Variants in TTLL6 observed in about 807,000 individuals in gnomAD.
The protein encoded by TTLL6 is tubulin tyrosine ligase like 6.
TTLL6 carries 75 observed loss-of-function variants against 96.4 expected under a neutral mutation model. The observed-to-expected ratio is 0.78, with a 90% CI of 0.65 to 0.94. TTLL6 has a LOEUF of 0.94. Among genes scored for constraint, TTLL6 ranks in the 40% least tolerant of loss-of-function variants. The pLI, the probability that TTLL6 is intolerant of heterozygous loss-of-function variation, is 0.00. For missense variants in TTLL6, 1,030 were observed against 1,093.0 expected (o/e 0.94, Z 0.81); for synonymous variants, 411 against 419.4 (o/e 0.98, Z 0.24).
intron 9 of TTLL6, among the ~76,000 whole-genome samples, chr17:48,790,713 C>G (rs1163736527): frequency 6.6e-6 from 1 of 152,216 alleles, no homozygotes; most frequent in Non-Finnish European, 1.5e-5. Context: ...GGAAGAAGGG[C>G]AAAGCTGCAG....
intron 11 of TTLL6, among the ~76,000 whole-genome samples, chr17:48,786,831 C>CTTTTTTTTT (rs11446945): frequency 8.2e-6 from 1 of 122,494 alleles, no homozygotes; most frequent in African/African-American, 3.1e-5. Flanking sequence ...CTTCTGTCAT[C>CTTTTTTTTT]TTTTTTTTTT....
At chr17:48,804,216 T>C in intron 2 of TTLL6, 1 of 559,018 alleles carries the variant, frequency 1.8e-6, no homozygotes, top group Non-Finnish European at 3.3e-6. Flanking sequence ...GCCTCAAGCC[T>C]TTTACTCCAC....
chr17:48,767,182 C>A (rs1215800490), intron 15 of TTLL6, among the ~76,000 whole-genome samples: 2 of 152,138 alleles, frequency 1.3e-5, no homozygotes, highest in South Asian at 4.1e-4. Context: ...GGATTACAGG[C>A]ATGAGCCACC....
chr17:48,809,943 GC>G (rs1239338182), intron 1 of TTLL6, among the ~76,000 whole-genome samples: 1 of 151,832 alleles, frequency 6.6e-6, no homozygotes, highest in African/African-American at 2.4e-5. Flanking sequence ...TTCGAGACCA[GC>G]CTGACCAACA....
rs2039679128 is a variant in TTLL6, at chr17:48,817,077, T to C, written c.-5A>G. 3.2e-6 allele frequency: 5 copies of C among 1,540,102 alleles called. No individual in the cohort carries two copies. Among genetic ancestry groups the C allele is most frequent in the Non-Finnish European group, 4.4e-6 (5 of 1,144,154 alleles). On this transcript the variant is annotated 5_prime_UTR_variant, in exon 1 of 16. Transcript: ENST00000393382. ...ATGAAGGAGTAACGCTCCCATTGGC[T>C]GCCAGACAGCCCCAACCCCAACCCG...
At chr17:48,771,372 T>C (rs182735913) in intron 13 of TTLL6, among the ~76,000 whole-genome samples, 2 of 152,338 alleles carry the variant, frequency 1.3e-5, no homozygotes, top group African/African-American at 4.8e-5. Context: ...TTCATGCCTG[T>C]AATCCCAATT....
intron 13 of TTLL6, among the ~76,000 whole-genome samples, chr17:48,778,621 C>T (rs975680069): frequency 7.1e-6 from 1 of 141,260 alleles, no homozygotes; most frequent in African/African-American, 2.7e-5. Context: ...CAAAGCAAGA[C>T]TCAGTCTCTT....
rs200281244 is a variant in TTLL6 at position 48,781,051 on chromosome 17, AT to A, written c.2040+3871del. On this transcript the variant is annotated intron_variant, in intron 13 of 15. Transcript: ENST00000393382. ...AGATTATAGGGTAATTCTATTTTTA[AT>A]TTTTTTTTTTTTTAGACAAGAGTCT... Among the ~76,000 whole-genome samples the A allele has an allele frequency of 7.2e-3, 1,023 of 142,386 alleles. 7 individuals carry two copies. The highest frequency in any genetic ancestry group is 0.019 in the African/African-American group (738 of 39,076). The allele number at this position is 142,386 out of a possible 152,430, so 93.4% of individuals were successfully genotyped here. A position where few individuals can be genotyped will look rare whatever the true frequency, so the allele number is the denominator to read the frequency against.
chr17:48,765,948 A>G (rs1222890351), intron 15 of TTLL6: 1 of 152,250 alleles, frequency 6.6e-6, no homozygotes, highest in Non-Finnish European at 1.5e-5. Flanking sequence ...TCAGGGAAAG[A>G]AGTCTTCCCT....
At chr17:48,797,228 G>A (rs1450530007) in intron 6 of TTLL6, 24 bp from the exon 7 acceptor site, 4 of 1,537,908 alleles carry the variant, frequency 2.6e-6, no homozygotes, top group Non-Finnish European at 3.5e-6. Context: ...ACAGAAGTCA[G>A]ACATGCATTA....
chr17:48,775,021 C>A (rs926791211), intron 13 of TTLL6, among the ~76,000 whole-genome samples: 7 of 151,256 alleles, frequency 4.6e-5, no homozygotes, highest in African/African-American at 1.7e-4. Flanking sequence ...TAAATCCCAG[C>A]AACTCAGGAG....
chr17:48,815,571 T>TCA (rs1195195027), intron 1 of TTLL6, among the ~76,000 whole-genome samples: 19 of 152,226 alleles, frequency 1.2e-4, no homozygotes, highest in Admixed American at 1.2e-3. Flanking sequence ...GATAAAAGCT[T>TCA]CACATCTAGA....
chr17:48,769,805 G>T lies in TTLL6; in HGVS notation c.2333C>A (p.Thr778Asn). ...GAGCTTCCCACTCAGTTGAAGCTTG[G>T]TGAGTAGCTCGGATATCAAATGTGG... ...NKPHLISELLTKLQLSGKLSF... is the reference protein window; with the variant it reads ...NKPHLISELLNKLQLSGKLSF... The change falls in exon 14 of 16, where the codon ACC becomes AAC. Residue 778 changes from threonine to asparagine, a missense_variant. Physicochemically the swap from Thr to Asn is moderately conservative, Grantham distance 65. Coordinates refer to ENST00000393382, the MANE Select transcript of TTLL6 (RefSeq NM_001130918.3). 1 of 1,614,244 alleles carries T rather than the reference G, an allele frequency of 6.2e-7. No homozygotes were observed. Among genetic ancestry groups the T allele is most frequent in the South Asian group, 1.1e-5 (1 of 91,088 alleles).
Position 48,786,219 on chromosome 17 carries a change from C to G in TTLL6, c.1706G>C (p.Gly569Ala), listed in dbSNP as rs1474979074. Residue 569 changes from glycine (G) to alanine (A), a missense_variant, in exon 12 of 16, where the codon GGC becomes GCC. By Grantham distance (60) the Gly-to-Ala change is moderately conservative. Transcript: ENST00000393382. ...TTTCTGCTGTTGTTTCTGTTGCCAG[C>G]CCCTCATGCCCTTCTTTCTCACTTG... is the stretch of plus-strand genomic sequence containing the variant. ...GEQVRKKGMR[G>A]WQQKQQQKDK... The G allele has an allele frequency of 6.2e-7, 1 of 1,614,224 alleles. No homozygotes were observed. The highest frequency in any genetic ancestry group is 1.1e-5 in the South Asian group (1 of 91,084).
At chr17:48,804,369 A>C in intron 2 of TTLL6, 1 of 485,340 alleles carries the variant, frequency 2.1e-6, no homozygotes, top group Non-Finnish European at 4.1e-6. Context: ...AGGCATGGTG[A>C]AATATTAAAC....
rs189124439 is a variant in TTLL6, at chr17:48,808,045, A to C, written c.104-3054T>G. ...AGTAGAGTCGGGGTTTCACTGTGTTAGCCAGGATGGTCTCAATCTCCTGAC... is the reference window on the plus strand; with the variant it reads ...AGTAGAGTCGGGGTTTCACTGTGTTCGCCAGGATGGTCTCAATCTCCTGAC... On this transcript the variant is annotated intron_variant, in intron 1 of 15. Transcript: ENST00000393382. 2.5e-3 allele frequency among the ~76,000 whole-genome samples: 374 copies of C among 151,614 alleles called. 5 individuals carry two copies. Among genetic ancestry groups the C allele is most frequent in the African/African-American group, 8.7e-3 (361 of 41,278 alleles).
chr17:48,774,108 A>AC (rs1211619297), intron 13 of TTLL6, among the ~76,000 whole-genome samples: 33,856 of 129,674 alleles, frequency 0.26, 5,132 homozygotes, highest in Admixed American at 0.32. Context: ...AAAAAAAAAA[A>AC]AAAACAAGAA....
chr17:48,813,381 C>A (rs1048936809), intron 1 of TTLL6, among the ~76,000 whole-genome samples: 2 of 151,982 alleles, frequency 1.3e-5, no homozygotes, highest in African/African-American at 2.4e-5. Context: ...ATGGTGAAAC[C>A]CCACTCTACC....
rs752663898 is a variant in TTLL6, at chr17:48,796,095, TTGAACTG to T, written c.957_963del (p.His319GlnfsTer105). The T allele has an allele frequency of 3.7e-5, 57 of 1,551,522 alleles. No individual in the cohort carries two copies. The highest frequency in any genetic ancestry group is 5.0e-5 in the Non-Finnish European group (57 of 1,146,876). ...CCAGAGTGTGCATCTCGACTGAAATTTGAACTGTGCTTATTAATGGAATAATTAGTCA... is the reference window on the plus strand; with the variant it reads ...CCAGAGTGTGCATCTCGACTGAAATTTGCTTATTAATGGAATAATTAGTCA... On this transcript the variant is annotated frameshift_variant, in exon 8 of 16. Transcript: ENST00000393382. LOFTEE classifies it high-confidence loss of function.
Sources: allele counts gnomAD v4.1 joint callset (sites outside exome capture counted in the v4.1 genomes callset), GRCh38; gene constraint gnomAD v4.1.1; transcripts MANE v1.5; gene names NCBI Gene and HGNC (gene_info 2026-07-23, HGNC 2026-07-21).